MB21D2: variants seen among roughly 807,000 people sequenced by gnomAD.
MB21D2 encodes the protein Mab-21 domain containing 2, also known as nucleotidyltransferase MB21D2.
In MB21D2, 9 loss-of-function variants were observed where a neutral mutation model predicts 33.3. The observed-to-expected ratio is 0.27, with a 90% CI of 0.16 to 0.47. The LOEUF is 0.47. MB21D2 is among the 20% of genes least tolerant of loss of function. The pLI is 0.99. For missense variants in MB21D2, 540 were observed against 624.6 expected (o/e 0.86, Z 1.44); for synonymous variants, 241 against 236.3 (o/e 1.02, Z -0.18).
intron 1 of MB21D2, among the ~76,000 whole-genome samples, chr3:192,808,965 C>T (rs1402079893): frequency 6.6e-6 from 1 of 152,048 alleles, no homozygotes; most frequent in Non-Finnish European, 1.5e-5. Context: ...GAAGTACATA[C>T]ATCTCATGAC....
intron 1 of MB21D2, among the ~76,000 whole-genome samples, chr3:192,889,940 A>C (rs576360456): frequency 3.3e-5 from 5 of 152,126 alleles, no homozygotes; most frequent in Non-Finnish European, 7.3e-5. Context: ...TTAGGAAAAA[A>C]AAAATCCAAC....
intron 1 of MB21D2, among the ~76,000 whole-genome samples, chr3:192,823,416 G>A (rs2108617194): frequency 6.6e-6 from 1 of 152,280 alleles, no homozygotes; most frequent in East Asian, 1.9e-4. Flanking sequence ...CACTTTGGGA[G>A]GCCGAGGCAG....
chr3:192,829,878 C>A (rs1039272186), intron 1 of MB21D2, among the ~76,000 whole-genome samples: 6 of 152,162 alleles, frequency 3.9e-5, no homozygotes, highest in African/African-American at 1.4e-4. Context: ...AGGCATGCAC[C>A]ACCATGCCCA....
At chr3:192,894,641 A>AT (rs369473137) in intron 1 of MB21D2, among the ~76,000 whole-genome samples, 56 of 151,302 alleles carry the variant, frequency 3.7e-4, no homozygotes, top group African/African-American at 5.3e-4. Context: ...ACACAGTGTC[A>AT]TTTTTTTTTC....
At chr3:192,912,665 C>A (rs552559894) in intron 1 of MB21D2, among the ~76,000 whole-genome samples, 1 of 151,870 alleles carries the variant, frequency 6.6e-6, no homozygotes, top group Non-Finnish European at 1.5e-5. Context: ...AAGGGCAAAA[C>A]TGTATCTCAA....
At chr3:192,873,013 C>CT (rs1302333252) in intron 1 of MB21D2, among the ~76,000 whole-genome samples, 2 of 92,246 alleles carry the variant, frequency 2.2e-5, no homozygotes, top group Non-Finnish European at 4.0e-5. Context: ...GAAGACACCC[C>CT]CCCCCACCAA....
chr3:192,800,400 G>A (rs1257265018), intron 1 of MB21D2, among the ~76,000 whole-genome samples: 1 of 152,020 alleles, frequency 6.6e-6, no homozygotes, highest in Non-Finnish European at 1.5e-5. Flanking sequence ...TTTTTACTGT[G>A]TTGCCATTGT....
Position 192,917,679 on chromosome 3 carries a change from C to G in MB21D2, c.162G>C (p.Gln54His), listed in dbSNP as rs1291727719. ...TKHDQREYDD[Q>H]RALEIHTAKD... is the part of the protein sequence containing the mutation. Reference sequence around the variant, plus strand: ...TGGCTGTGTGAATCTCCAGCGCTCTCTGGTCGTCGTATTCCCGCTGGTCGT... The same window carrying G: ...TGGCTGTGTGAATCTCCAGCGCTCTGTGGTCGTCGTATTCCCGCTGGTCGT... The change falls in exon 1 of 2, where the codon CAG (glutamine) becomes CAC (histidine). Residue 54 changes from glutamine (Q) to histidine (H), a missense_variant. Physicochemically the swap from Gln to His is conservative, Grantham distance 24 (BLOSUM62 0). Coordinates refer to ENST00000392452, the MANE Select transcript of MB21D2 (RefSeq NM_178496.4). The G allele has an allele frequency of 4.3e-6, 7 of 1,614,224 alleles. No homozygotes were observed. The highest frequency in any genetic ancestry group is 5.9e-6 in the Non-Finnish European group (7 of 1,180,042).
At chr3:192,861,107 C>T (rs189334032) in intron 1 of MB21D2, among the ~76,000 whole-genome samples, 1 of 152,332 alleles carries the variant, frequency 6.6e-6, no homozygotes, top group Non-Finnish European at 1.5e-5. Flanking sequence ...GGGAATTATT[C>T]TAACAACCCT....
intron 1 of MB21D2, among the ~76,000 whole-genome samples, chr3:192,804,361 G>T (rs199764065): frequency 1.2e-5 from 1 of 81,216 alleles, no homozygotes; most frequent in African/African-American, 4.7e-5. Flanking sequence ...TGAAAACTCA[G>T]AGAGTTCAAG....
chr3:192,870,327 C>T (rs770199950), intron 1 of MB21D2, among the ~76,000 whole-genome samples: 2 of 152,164 alleles, frequency 1.3e-5, no homozygotes, highest in Non-Finnish European at 2.9e-5. Flanking sequence ...AAGCCCAAGA[C>T]TAGTGAGCAC....
intron 1 of MB21D2, among the ~76,000 whole-genome samples, chr3:192,895,260 G>A (rs1206804359): frequency 6.6e-6 from 1 of 152,138 alleles, no homozygotes; most frequent in African/African-American, 2.4e-5. Flanking sequence ...AAGATTGGTG[G>A]AATCTTAAAT....
At chr3:192,892,032 C>G (rs1713863331) in intron 1 of MB21D2, among the ~76,000 whole-genome samples, 1 of 152,092 alleles carries the variant, frequency 6.6e-6, no homozygotes, top group Non-Finnish European at 1.5e-5. Context: ...TGTACATTCT[C>G]TTGTGTCAAA....
chr3:192,832,812 G>A (rs987992693), intron 1 of MB21D2, among the ~76,000 whole-genome samples: 56 of 152,246 alleles, frequency 3.7e-4, no homozygotes, highest in African/African-American at 1.3e-3. Context: ...AGGGGACCGG[G>A]GGGAAGAGTA....
At chr3:192,857,332 A>G (rs1712938536) in intron 1 of MB21D2, among the ~76,000 whole-genome samples, 2 of 152,226 alleles carry the variant, frequency 1.3e-5, no homozygotes, top group Non-Finnish European at 2.9e-5. Context: ...CAAACAATTA[A>G]ATGAACCTGC....
chr3:192,828,781 T>C (rs913453223), intron 1 of MB21D2, among the ~76,000 whole-genome samples: 3 of 150,238 alleles, frequency 2.0e-5, no homozygotes, highest in Non-Finnish European at 3.0e-5. Flanking sequence ...CCCGAGTAGC[T>C]AGGACTACAG....
At chr3:192,808,420 C>T (rs1465547736) in intron 1 of MB21D2, among the ~76,000 whole-genome samples, 1 of 152,198 alleles carries the variant, frequency 6.6e-6, no homozygotes, top group Non-Finnish European at 1.5e-5. Context: ...TGAGAGCCAT[C>T]TTCAAATATC....
rs369355116 is a variant in MB21D2 at position 192,898,318 on chromosome 3, C to G, written c.211+19312G>C. On this transcript the variant is annotated intron_variant, in intron 1 of 1. Transcript: ENST00000392452. ...CATCCTCCTGCCTCAACCTCCCAAGCAGCTGGGACTACAGGTGTGCATCAC... is the reference window on the plus strand; with the variant it reads ...CATCCTCCTGCCTCAACCTCCCAAGGAGCTGGGACTACAGGTGTGCATCAC... 4.0e-5 allele frequency among the ~76,000 whole-genome samples: 6 copies of G among 151,580 alleles called. No individual in the cohort carries two copies. The East Asian group carries it at 5.8e-4, about 15-fold the overall frequency.
intron 1 of MB21D2, among the ~76,000 whole-genome samples, chr3:192,889,759 A>G (rs1713809801): frequency 6.6e-6 from 1 of 152,124 alleles, no homozygotes; most frequent in African/African-American, 2.4e-5. Context: ...TGTTTTGTGA[A>G]CTATTTCTAA....
Sources: allele counts gnomAD v4.1 joint callset (sites outside exome capture counted in the v4.1 genomes callset), GRCh38; gene constraint gnomAD v4.1.1; transcripts MANE v1.5; gene names NCBI Gene and HGNC (gene_info 2026-07-23, HGNC 2026-07-21).